The following MECOM variants were observed in gnomAD, a reference collection of about 807,000 sequenced individuals.
MECOM encodes the protein MDS1 and EVI1 complex locus, also known as histone-lysine N-methyltransferase MECOM.
Under a neutral mutation model 116.3 loss-of-function variants are expected in MECOM, and 13 were observed. The ratio of observed to expected loss-of-function variants is 0.11; its 90% CI spans 0.07 to 0.18. MECOM has a LOEUF of 0.18. MECOM is among the 10% of genes least tolerant of loss of function. The pLI is 1.00. For missense variants in MECOM, 1,299 were observed against 1,509.0 expected, an observed-to-expected ratio of 0.86 and a Z score of 2.31; for synonymous variants, 528 against 535.2, an observed-to-expected ratio of 0.99 and a Z score of 0.19.
intron 2 of MECOM, among the ~76,000 whole-genome samples, chr3:169,319,435 G>C (rs1275592842): frequency 2.6e-5 from 4 of 151,572 alleles, no homozygotes. Flanking sequence ...GGGGTGGGGG[G>C]TAGGGGAGGG....
chr3:169,122,842 GAGA>G, intron 5 of MECOM, 115 bp from the exon 6 acceptor site: 1 of 1,178,698 alleles, frequency 8.5e-7, no homozygotes. Flanking sequence ...GAGTTGAACT[GAGA>G]AGGAGGGAAG....
chr3:169,381,115 G>T (rs1251754948), intron 2 of MECOM, 72 bp downstream of exon 2: 1 of 1,349,346 alleles, frequency 7.4e-7, no homozygotes, highest in Non-Finnish European at 1.0e-6. Flanking sequence ...TGCTTATTTT[G>T]TGGATGCTTA....
At chr3:169,458,794 A>G (rs1746947435) in intron 1 of MECOM, among the ~76,000 whole-genome samples, 1 of 152,354 alleles carries the variant, frequency 6.6e-6, no homozygotes, top group Admixed American at 6.5e-5. Context: ...GGTAGAGGCT[A>G]CAAAGAAATA....
At chr3:169,580,110 G>T (rs994252667) in intron 1 of MECOM, among the ~76,000 whole-genome samples, 2 of 152,180 alleles carry the variant, frequency 1.3e-5, no homozygotes, top group Non-Finnish European at 2.9e-5. Context: ...TAGTGTGGGA[G>T]GCTTGCCACT....
At chr3:169,204,371 T>C (rs1749624043) in intron 2 of MECOM, among the ~76,000 whole-genome samples, 1 of 152,190 alleles carries the variant, frequency 6.6e-6, no homozygotes, top group South Asian at 2.1e-4. Context: ...ATAGCCCCAA[T>C]TTCCAGCTGC....
At chr3:169,634,753 A>T (rs1168410161) in intron 1 of MECOM, among the ~76,000 whole-genome samples, 2 of 151,972 alleles carry the variant, frequency 1.3e-5, no homozygotes, top group Non-Finnish European at 2.9e-5. Context: ...ACTTAAACTT[A>T]AATTACTCTT....
chr3:169,407,300 C>T lies in MECOM; in HGVS notation c.38-25776G>A, dbSNP rs1413202722. On this transcript the variant is annotated intron_variant, in intron 1 of 16. Transcript: ENST00000651503. ...CTCACTTCTTGGCTTCACTTTGCTC[C>T]TCTCTATAAGGTTGGTTCAACCAAC... Among the ~76,000 whole-genome samples, 8 of 152,132 alleles carry T rather than the reference C, an allele frequency of 5.3e-5. No homozygotes were observed. The East Asian group carries it at 7.7e-4, about 15-fold the overall frequency.
intron 2 of MECOM, among the ~76,000 whole-genome samples, chr3:169,233,021 G>A (rs1753599663): frequency 6.6e-6 from 1 of 152,072 alleles, no homozygotes. Flanking sequence ...GACCGAGCTT[G>A]GAGTAATTAT....
chr3:169,537,904 T>G (rs1560406996), intron 1 of MECOM, among the ~76,000 whole-genome samples: 2 of 152,156 alleles, frequency 1.3e-5, no homozygotes, highest in Non-Finnish European at 2.9e-5. Context: ...TTCTATTAGT[T>G]TTATAATTAT....
rs796126639 is a variant in MECOM, at chr3:169,133,822, T to C, written c.511-2291A>G. ...GAGTTTGCTTTTTTCCCCTAAACTT[T>C]CCAGTTAAATACTTATAAGTACACT... On this transcript the variant is annotated intron_variant, in intron 3 of 16. Coordinates refer to ENST00000651503, the MANE Select transcript of MECOM (RefSeq NM_004991.4). 1.3e-5 allele frequency: 11 copies of C among 832,742 alleles called. No individual in the cohort carries two copies. The African/African-American group carries it at 2.0e-4, about 15-fold the overall frequency. 51.6% of individuals were successfully genotyped at this position (832,742 alleles called of 1,614,324 possible). A position where few individuals can be genotyped will look rare whatever the true frequency, so the allele number is the denominator to read the frequency against.
chr3:169,205,129 C>A (rs185917515), intron 2 of MECOM, among the ~76,000 whole-genome samples: 1 of 152,004 alleles, frequency 6.6e-6, no homozygotes, highest in Non-Finnish European at 1.5e-5. Flanking sequence ...TCTTTCAGAC[C>A]TAATATCACA....
At chr3:169,336,171 A>G (rs1260312328) in intron 2 of MECOM, among the ~76,000 whole-genome samples, 1 of 152,120 alleles carries the variant, frequency 6.6e-6, no homozygotes, top group Non-Finnish European at 1.5e-5. Flanking sequence ...CAGTGAAATC[A>G]TACACTATTC....
At position 169,111,797 on chromosome 3, in the gene MECOM, G is replaced by C. The variant is rs531835741; in HGVS notation, c.2577+990C>G. ...GAAAGATACTTGAAAAAATACAAAA[G>C]AGGTAACAGAAAGGAAAAGGAAAAA... On this transcript the variant is annotated intron_variant, in intron 9 of 16. Transcript: ENST00000651503. Among the ~76,000 whole-genome samples the C allele has an allele frequency of 4.6e-5, 7 of 151,938 alleles. No homozygotes were observed. In the East Asian group the frequency reaches 1.4e-3, roughly 29 times the overall value.
intron 1 of MECOM, among the ~76,000 whole-genome samples, chr3:169,499,917 T>C (rs1357347729): frequency 6.6e-6 from 1 of 152,070 alleles, no homozygotes; most frequent in Non-Finnish European, 1.5e-5. Flanking sequence ...CACAGCTTGG[T>C]AACATTTTCT....
At chr3:169,265,744 C>T (rs370086146) in intron 2 of MECOM, among the ~76,000 whole-genome samples, 1 of 152,184 alleles carries the variant, frequency 6.6e-6, no homozygotes, top group Non-Finnish European at 1.5e-5. Context: ...ATGTGTTCTA[C>T]CCCCAGTACT....
In MECOM at chr3:169,553,315, T is replaced by C. The variant is rs144795901; in HGVS notation, c.37+110021A>G. Among the ~76,000 whole-genome samples, 639 of 152,240 alleles carry C rather than the reference T, an allele frequency of 4.2e-3. 3 individuals carry two copies. The highest frequency in any genetic ancestry group is 7.2e-3 in the Non-Finnish European group (493 of 68,018). ...GGGATAATAAGCAAATCAATAAACA[T>C]GATAATTTCAGATAGTGATAAGTGC... On this transcript the variant is annotated intron_variant, in intron 1 of 16. Coordinates refer to ENST00000651503, the MANE Select transcript of MECOM (RefSeq NM_004991.4).
chr3:169,288,286 G>A (rs1290189148), intron 2 of MECOM, among the ~76,000 whole-genome samples: 1 of 151,408 alleles, frequency 6.6e-6, no homozygotes, highest in Admixed American at 6.6e-5. Flanking sequence ...GAATAGGCAA[G>A]AAAAATAAAT....
chr3:169,184,217 G>A (rs1297525661), intron 2 of MECOM, among the ~76,000 whole-genome samples: 1 of 152,022 alleles, frequency 6.6e-6, no homozygotes, highest in Non-Finnish European at 1.5e-5. Context: ...ACTTTCTCAG[G>A]GACAGCTACA....
chr3:169,621,543 G>C (rs1770728840), intron 1 of MECOM, among the ~76,000 whole-genome samples: 1 of 152,150 alleles, frequency 6.6e-6, no homozygotes, highest in South Asian at 2.1e-4. Context: ...GATTACCTGA[G>C]GTCAGGAGTT....
Sources: gnomAD v4.1 joint callset for allele counts (sites outside exome capture counted in the v4.1 genomes callset) on GRCh38, gnomAD v4.1.1 for gene constraint, MANE v1.5 for transcripts, NCBI Gene and HGNC (gene_info 2026-07-23, HGNC 2026-07-21) for gene names.